KLHL36: variants seen among roughly 807,000 people sequenced by gnomAD.
The protein encoded by KLHL36 is kelch like family member 36.
A neutral mutation model predicts 53.3 loss-of-function variants in KLHL36; 35 were observed. The ratio of observed to expected loss-of-function variants is 0.66; its 90% CI spans 0.50 to 0.87. The LOEUF is 0.87. Ranked by LOEUF, KLHL36 falls within the 40% of genes least tolerant of loss-of-function variation. KLHL36 has a pLI of 0.00. For synonymous variants in KLHL36, 472 were observed against 398.9 expected, an observed-to-expected ratio of 1.18 and a Z score of -2.18; for missense variants, 864 against 897.6, an observed-to-expected ratio of 0.96 and a Z score of 0.48.
rs1459845258 is a variant in KLHL36, at chr16:84,648,952, G to T, written c.-17+303G>T. ...CTCGCCGCCGGCTGGAGCCTGCTGG[G>T]CGGCCGTTGCGCTGAGTTCCGCCTG... is the stretch of plus-strand genomic sequence containing the variant. On this transcript the variant is annotated intron_variant, in intron 1 of 4. Transcript: ENST00000564996. This position sits in a 1 kb window ranked among gnomAD's most constrained non-coding sequence, Gnocchi z 4.9. 1 of 152,254 alleles carries T rather than the reference G, an allele frequency of 6.6e-6. No homozygotes were observed. Among genetic ancestry groups the T allele is most frequent in the East Asian group, 1.9e-4 (1 of 5,188 alleles). The allele number at this position is 152,254 out of a possible 1,614,324, so 9.4% of individuals were successfully genotyped here. A position where few individuals can be genotyped will look rare whatever the true frequency, so the allele number is the denominator to read the frequency against.
chr16:84,662,816 G>C lies in KLHL36; in HGVS notation c.*683G>C, dbSNP rs1907637869. The C allele has an allele frequency of 1.3e-5, 2 of 152,140 alleles. No homozygotes were observed. The highest frequency in any genetic ancestry group is 2.4e-5 in the African/African-American group (1 of 41,444). The allele number at this position is 152,140 out of a possible 1,614,324, so 9.4% of individuals were successfully genotyped here. A position where few individuals can be genotyped will look rare whatever the true frequency, so the allele number is the denominator to read the frequency against. ...CGCTGGGGAGCTGTTCTCCGTATCA[G>C]GTGAACGCTGTTTCTGAATAATTCC... On this transcript the variant is annotated 3_prime_UTR_variant, in exon 5 of 5. Transcript: ENST00000564996.
rs117873154 is a variant in KLHL36, at chr16:84,657,828, G to A, written c.1021G>A (p.Ala341Thr). The change falls in exon 3 of 5, where the codon GCG (alanine) becomes ACG (threonine). Residue 341 changes from alanine (A) to threonine (T), a missense_variant. Physicochemically the swap from Ala to Thr is moderately conservative, Grantham distance 58. Coordinates refer to ENST00000564996, the MANE Select transcript of KLHL36 (RefSeq NM_024731.4). ...CGCCCGGCGGAGCCACCACTGTGTC[G>A]CGGTGCTGGGGGGCTTCATCTTCAT... The part of the protein sequence containing the change: ...LPARRSHHCV[A>T]VLGGFIFIAG... 5.0e-3 allele frequency: 8,028 copies of A among 1,606,492 alleles called. 27 individuals are homozygous for A. The highest frequency in any genetic ancestry group is 5.8e-3 in the Non-Finnish European group (6,785 of 1,175,030).
At chr16:84,654,424 G>A (rs536209569) in intron 2 of KLHL36, among the ~76,000 whole-genome samples, 14 of 152,274 alleles carry the variant, frequency 9.2e-5, no homozygotes, top group African/African-American at 3.1e-4. Flanking sequence ...GAGGCAGGAG[G>A]ATCGTTTGAA....
Position 84,667,078 on chromosome 16 carries a change from G to GAAAAA in KLHL36, c.*4949_*4950insAAAAA. On this transcript the variant is annotated 3_prime_UTR_variant, in exon 5 of 5. Transcript: ENST00000564996. Reference sequence around the variant, plus strand: ...CTGTCTCAAAAAAAAAAAAAAAAAAGAAAAGAAATTGTCCTTTGGTTGCCT... The same window carrying GAAAAA: ...CTGTCTCAAAAAAAAAAAAAAAAAAGAAAAAAAAAGAAATTGTCCTTTGGTTGCCT... The GAAAAA allele has an allele frequency of 7.0e-6, 1 of 143,160 alleles. No homozygotes were observed. The highest frequency in any genetic ancestry group is 1.5e-5 in the Non-Finnish European group (1 of 65,552). The allele number at this position is 143,160 out of a possible 1,614,324, so 8.9% of individuals were successfully genotyped here.
Position 84,665,116 on chromosome 16 carries a change from G to A in KLHL36, c.*2983G>A, listed in dbSNP as rs1184450411. The stretch of plus-strand genomic sequence containing the variant: ...TGAACCGCACAGTCACGAATGTGGG[G>A]TTTTAAACTAGAGTGATGAAGGCAC... On this transcript the variant is annotated 3_prime_UTR_variant, in exon 5 of 5. Transcript: ENST00000564996. 1 of 152,222 alleles carries A rather than the reference G, an allele frequency of 6.6e-6. No homozygotes were observed. The highest frequency in any genetic ancestry group is 1.5e-5 in the Non-Finnish European group (1 of 68,032). 9.4% of individuals were successfully genotyped at this position (152,222 alleles called of 1,614,324 possible). A position where few individuals can be genotyped will look rare whatever the true frequency, so the allele number is the denominator to read the frequency against.
Position 84,661,584 on chromosome 16 carries a change from G to A in KLHL36, c.1302G>A (p.Thr434=), listed in dbSNP as rs778727204. ...CTGCCCGTCGACCCTGCAGGTTCAC[G>A]TACGGCCACGCGGGCACCATCTACA... The part of the protein sequence containing the change: ...WSYVAGLPRF[T]YGHAGTIYKD... Residue 434 remains threonine, a synonymous_variant, in exon 5 of 5, where the codon ACG becomes ACA. Coordinates refer to ENST00000564996, the MANE Select transcript of KLHL36 (RefSeq NM_024731.4). This position sits in a 1 kb window ranked among gnomAD's most constrained non-coding sequence, Gnocchi z 7.9. 1.1e-5 allele frequency: 18 copies of A among 1,584,166 alleles called. No individual in the cohort carries two copies. The highest frequency in any genetic ancestry group is 5.4e-5 in the African/African-American group (4 of 74,216).
chr16:84,661,977 G>C lies in KLHL36; in HGVS notation c.1695G>C (p.Val565=). ...SWENTAFSKT[V]QVYDREADKW... Reference sequence around the variant, plus strand: ...AGAACACTGCCTTCTCCAAGACCGTGCAGGTGTACGACCGCGAGGCCGACA... The same window carrying C: ...AGAACACTGCCTTCTCCAAGACCGTCCAGGTGTACGACCGCGAGGCCGACA... Residue 565 remains valine (V), a synonymous_variant, in exon 5 of 5, where the codon GTG becomes GTC. Coordinates refer to ENST00000564996, the MANE Select transcript of KLHL36 (RefSeq NM_024731.4). The surrounding 1 kb of genome is among the most constrained non-coding windows in gnomAD (Gnocchi z 7.9). The C allele has an allele frequency of 6.3e-7, 1 of 1,598,368 alleles. No homozygotes were observed. The highest frequency in any genetic ancestry group is 8.5e-7 in the Non-Finnish European group (1 of 1,173,782).
intron 2 of KLHL36, among the ~76,000 whole-genome samples, chr16:84,651,333 T>G (rs1220091796): frequency 6.6e-6 from 1 of 152,138 alleles, no homozygotes; most frequent in Non-Finnish European, 1.5e-5. Context: ...CAACACACCG[T>G]GTACCCGGAC....
In KLHL36 at chr16:84,663,061, C is replaced by T. The variant is rs1406309861; in HGVS notation, c.*928C>T. 2 of 151,654 alleles carry T rather than the reference C, an allele frequency of 1.3e-5. No individual in the cohort carries two copies. Among genetic ancestry groups the T allele is most frequent in the South Asian group, 2.1e-4 (1 of 4,814 alleles). The allele number at this position is 151,654 out of a possible 1,614,324, so 9.4% of individuals were successfully genotyped here. The stretch of plus-strand genomic sequence containing the variant: ...AAGTGAGTGCTATGGAATTTGCCAT[C>T]GTTCTCTGTGACTCTATCTTGAGGC... On this transcript the variant is annotated 3_prime_UTR_variant, in exon 5 of 5. Coordinates refer to ENST00000564996, the MANE Select transcript of KLHL36 (RefSeq NM_024731.4).
chr16:84,658,084 G>T, intron 3 of KLHL36, 140 bp downstream of exon 3: 2 of 685,870 alleles, frequency 2.9e-6, no homozygotes, highest in South Asian at 2.5e-5. Flanking sequence ...GTGACGAGCA[G>T]AATACCCCGG....
chr16:84,665,256 T>TC lies in KLHL36; in HGVS notation c.*3123_*3124insC, dbSNP rs1236815864. 3.9e-5 allele frequency: 6 copies of TC among 152,012 alleles called. No homozygotes were observed. The highest frequency in any genetic ancestry group is 8.8e-5 in the Non-Finnish European group (6 of 68,000). 9.4% of individuals were successfully genotyped at this position (152,012 alleles called of 1,614,324 possible). The stretch of plus-strand genomic sequence containing the variant: ...TTTGAAGACACCTGGATCTTTTTTT[T>TC]TTTTTAACATTTCAAAATAAGCATG... On this transcript the variant is annotated 3_prime_UTR_variant, in exon 5 of 5. Coordinates refer to ENST00000564996, the MANE Select transcript of KLHL36 (RefSeq NM_024731.4).
chr16:84,657,488 C>T lies in KLHL36; in HGVS notation c.681C>T (p.His227=), dbSNP rs116680199. The T allele has an allele frequency of 7.9e-4, 1,275 of 1,607,924 alleles. 7 individuals are homozygous for T. In the African/African-American group the frequency reaches 0.015, roughly 19 times the overall value. ...WLTQQPEREA[H]ARQVLENIHF... ...CGCAGCAGCCCGAGCGCGAGGCCCACGCCCGCCAGGTGCTGGAGAACATCC... is the reference window on the plus strand; with the variant it reads ...CGCAGCAGCCCGAGCGCGAGGCCCATGCCCGCCAGGTGCTGGAGAACATCC... Residue 227 remains histidine (H), a synonymous_variant, in exon 3 of 5, where the codon CAC becomes CAT. Transcript: ENST00000564996.
Position 84,661,896 on chromosome 16 carries a change from G to A in KLHL36, c.1614G>A (p.Glu538=), listed in dbSNP as rs1458965353. ...CGCCGCTGCTGCACGCCAACAGCGA[G>A]TCGGGCGTGGCAGTGTGGGAGGGCC... is the stretch of plus-strand genomic sequence containing the variant. The part of the protein sequence containing the change: ...RVAPLLHANS[E]SGVAVWEGRI... Residue 538 remains glutamate, a synonymous_variant, in exon 5 of 5, where the codon GAG becomes GAA. Coordinates refer to ENST00000564996, the MANE Select transcript of KLHL36 (RefSeq NM_024731.4). This position sits in a 1 kb window ranked among gnomAD's most constrained non-coding sequence, Gnocchi z 7.9. 1.3e-6 allele frequency: 2 copies of A among 1,599,444 alleles called. No homozygotes were observed. The highest frequency in any genetic ancestry group is 2.2e-5 in the South Asian group (2 of 90,398).
Position 84,659,864 on chromosome 16 carries a change from A to G in KLHL36, c.1242A>G (p.Val414=), listed in dbSNP as rs1348746081. ...ATGAGAACGGAGCGCTCTCTTCAGT[A>G]GAGACGTACAGTCCCAAGACTGACT... The part of the protein sequence containing the change: ...GRNENGALSS[V]ETYSPKTDSW... Residue 414 remains valine (V), a synonymous_variant, in exon 4 of 5, where the codon GTA becomes GTG. Transcript: ENST00000564996. The G allele has an allele frequency of 1.9e-6, 3 of 1,614,146 alleles. No homozygotes were observed. Among genetic ancestry groups the G allele is most frequent in the Admixed American group, 1.7e-5 (1 of 60,024 alleles).
intron 2 of KLHL36, among the ~76,000 whole-genome samples, chr16:84,655,290 T>C (rs1482468073): frequency 6.6e-6 from 1 of 152,132 alleles, no homozygotes; most frequent in East Asian, 1.9e-4. Context: ...GACAAACGCA[T>C]GTATGGCAAC....
chr16:84,652,758 G>C (rs1179521695), intron 2 of KLHL36, among the ~76,000 whole-genome samples: 1 of 152,204 alleles, frequency 6.6e-6, no homozygotes, highest in Non-Finnish European at 1.5e-5. Context: ...GTCTAAACGG[G>C]ATCCGAGGTC....
In KLHL36 at chr16:84,657,423, T is replaced by G; in HGVS notation, c.616T>G (p.Cys206Gly). The change falls in exon 3 of 5, where the codon TGT (cysteine) becomes GGT (glycine). Residue 206 changes from cysteine (C) to glycine (G), a missense_variant. Coordinates refer to ENST00000564996, the MANE Select transcript of KLHL36 (RefSeq NM_024731.4). ...YLSSSEVQRE[C>G]EHDLLQAALQ... ...GAGCAGCAGCGAGGTGCAGCGGGAG[T>G]GTGAGCACGACCTCCTGCAGGCCGC... 1 of 1,605,966 alleles carries G rather than the reference T, an allele frequency of 6.2e-7. No individual in the cohort carries two copies. Among genetic ancestry groups the G allele is most frequent in the South Asian group, 1.1e-5 (1 of 91,070 alleles).
intron 1 of KLHL36, among the ~76,000 whole-genome samples, chr16:84,649,573 C>G (rs1906704887): frequency 1.3e-5 from 2 of 152,150 alleles, no homozygotes; most frequent in Non-Finnish European, 2.9e-5. Flanking sequence ...CCTCTCTGGG[C>G]TCTCCAGCAT....
chr16:84,661,684 C>A lies in KLHL36; in HGVS notation c.1402C>A (p.His468Asn). The A allele has an allele frequency of 2.5e-6, 4 of 1,613,714 alleles. No homozygotes were observed. Among genetic ancestry groups the A allele is most frequent in the Non-Finnish European group, 3.4e-6 (4 of 1,180,000 alleles). Reference sequence around the variant, plus strand: ...CCGCAAGAACCTGCTATGCTACGACCACCGGACAGACGTGTGGGAGGAGCG... The same window carrying A: ...CCGCAAGAACCTGCTATGCTACGACAACCGGACAGACGTGTGGGAGGAGCG... ...PYRKNLLCYD[H>N]RTDVWEERRP... Residue 468 changes from histidine to asparagine, a missense_variant, in exon 5 of 5, where the codon CAC (histidine) becomes AAC (asparagine). His to Asn is a moderately conservative substitution (Grantham distance 68, BLOSUM62 1). Coordinates refer to ENST00000564996, the MANE Select transcript of KLHL36 (RefSeq NM_024731.4). This position sits in a 1 kb window ranked among gnomAD's most constrained non-coding sequence, Gnocchi z 7.9.
Sources: gnomAD v4.1 joint callset for allele counts (sites outside exome capture counted in the v4.1 genomes callset) on GRCh38, gnomAD v4.1.1 for gene constraint, Gnocchi (gnomAD v3.1) non-coding constraint, MANE v1.5 for transcripts, NCBI Gene and HGNC (gene_info 2026-07-23, HGNC 2026-07-21) for gene names.